SRFBP1: variants seen among roughly 807,000 people sequenced by gnomAD.
SRFBP1 encodes serum response factor binding protein 1.
Under a neutral mutation model 45.5 loss-of-function variants are expected in SRFBP1, and 47 were observed. That is an observed-to-expected ratio of 1.03 (90% CI 0.82 to 1.32). The LOEUF (loss-of-function observed/expected upper bound fraction) is 1.32, where lower values mean the gene tolerates loss of function less well. Ranked by LOEUF, SRFBP1 falls within the 40% of genes most tolerant of loss-of-function variation. SRFBP1 has a pLI of 0.00. For missense variants in SRFBP1, 621 were observed against 484.6 expected (o/e 1.28, Z -2.64); for synonymous variants, 203 against 166.3 (o/e 1.22, Z -1.70).
At chr5:122,010,736 C>CA (rs1350978155) in intron 4 of SRFBP1, among the ~76,000 whole-genome samples, 1 of 150,244 alleles carries the variant, frequency 6.7e-6, no homozygotes, top group Non-Finnish European at 1.5e-5. Flanking sequence ...TTAATTTTCA[C>CA]AAAAAAACTG....
intron 3 of SRFBP1, among the ~76,000 whole-genome samples, chr5:121,985,493 GT>G (rs1327171473): frequency 6.6e-6 from 1 of 151,520 alleles, no homozygotes; most frequent in South Asian, 2.1e-4. Context: ...TAACTGGTGT[GT>G]TTTTTTAATC....
intron 4 of SRFBP1, among the ~76,000 whole-genome samples, chr5:121,999,663 G>A (rs566470760): frequency 2.6e-5 from 4 of 152,032 alleles, no homozygotes; most frequent in South Asian, 2.1e-4. Context: ...TTCTTGGGGC[G>A]CTGATCCTTT....
intron 4 of SRFBP1, among the ~76,000 whole-genome samples, chr5:122,011,214 A>G (rs1753086538): frequency 6.6e-6 from 1 of 152,136 alleles, no homozygotes; most frequent in Non-Finnish European, 1.5e-5. Flanking sequence ...TGGGTTATTT[A>G]CATTCTGAGA....
chr5:122,074,406 T>C (rs780383379), intron 2 of SRFBP1, among the ~76,000 whole-genome samples: 73 of 152,218 alleles, frequency 4.8e-4, no homozygotes, highest in Non-Finnish European at 2.2e-4. Context: ...AGTATTTTGC[T>C]TTCTTATTGT....
At chr5:121,962,154 G>A (rs1751959302) in intron 1 of SRFBP1, 86 bp downstream of exon 1, 1 of 1,551,656 alleles carries the variant, frequency 6.4e-7, no homozygotes, top group Admixed American at 1.7e-5. Context: ...CGGGCATAGA[G>A]GGTGCGGTTG....
chr5:122,077,578 T>G, downstream of SRFBP1: 1 of 1,612,848 alleles, frequency 6.2e-7, no homozygotes, highest in Non-Finnish European at 8.5e-7. The surrounding 1 kb of genome is among the most constrained non-coding windows in gnomAD (Gnocchi z 4.9). Flanking sequence ...AGGCGCCAGC[T>G]TCGCGGGCTC....
At chr5:122,006,490 C>T (rs1301064786) in intron 4 of SRFBP1, among the ~76,000 whole-genome samples, 2 of 152,036 alleles carry the variant, frequency 1.3e-5, no homozygotes, top group African/African-American at 4.8e-5. Context: ...CATTCTGCCC[C>T]TTTGTTTTTC....
At chr5:122,026,456 G>A (rs187322519) in intron 7 of SRFBP1, among the ~76,000 whole-genome samples, 2 of 152,152 alleles carry the variant, frequency 1.3e-5, no homozygotes, top group South Asian at 2.1e-4. Context: ...AATAACAGAC[G>A]GGAGTGGAAT....
At chr5:122,047,563 G>A (rs1753887336) in intron 2 of SRFBP1, among the ~76,000 whole-genome samples, 1 of 152,132 alleles carries the variant, frequency 6.6e-6, no homozygotes, top group African/African-American at 2.4e-5. Flanking sequence ...CTTTAAAGTA[G>A]TTTTTTCCAA....
chr5:122,054,748 T>C (rs1399635162), intron 2 of SRFBP1, among the ~76,000 whole-genome samples: 2 of 152,252 alleles, frequency 1.3e-5, no homozygotes, highest in Admixed American at 6.5e-5. Flanking sequence ...TCTTAGATTT[T>C]ATTTTTATAT....
At chr5:121,987,192 G>A (rs185099817) in intron 3 of SRFBP1, among the ~76,000 whole-genome samples, 1 of 152,022 alleles carries the variant, frequency 6.6e-6, no homozygotes, top group Admixed American at 6.6e-5. Context: ...AGATAAAACT[G>A]ACAGTACCAA....
intron 6 of SRFBP1, among the ~76,000 whole-genome samples, chr5:122,021,937 AC>A (rs754009114): frequency 6.6e-6 from 1 of 151,108 alleles, no homozygotes; most frequent in Non-Finnish European, 1.5e-5. Flanking sequence ...CTTGTGATCC[AC>A]CCTGCTCAGC....
chr5:121,975,199 T>G, intron 2 of SRFBP1, 116 bp from the exon 3 acceptor site: 1 of 1,059,586 alleles, frequency 9.4e-7, no homozygotes, highest in Non-Finnish European at 1.4e-6. Context: ...AGTGGCGTGT[T>G]TGTTATTTAG....
chr5:122,019,099 A>G (rs542910236), intron 4 of SRFBP1, among the ~76,000 whole-genome samples, 161 bp from the exon 5 acceptor site: 1 of 152,160 alleles, frequency 6.6e-6, no homozygotes, highest in Admixed American at 6.5e-5. Context: ...CTTTGTCTTT[A>G]GCATGGATTG....
intron 2 of SRFBP1, among the ~76,000 whole-genome samples, chr5:122,073,610 G>T (rs1449871806): frequency 6.6e-6 from 1 of 152,160 alleles, no homozygotes; most frequent in Admixed American, 6.5e-5. Context: ...GGGTGCATAT[G>T]TTGTCAACCA....
intron 3 of SRFBP1, among the ~76,000 whole-genome samples, chr5:121,983,040 A>G (rs1180828375): frequency 6.6e-6 from 1 of 151,738 alleles, no homozygotes; most frequent in Non-Finnish European, 1.5e-5. Context: ...AAAGAGTTAA[A>G]TATTACAACA....
chr5:121,975,351 G>A lies in SRFBP1; in HGVS notation c.162G>A (p.Arg54=), dbSNP rs1481147151. ...TEDALLKNQR[R]AQRLLEEIHA... Reference sequence around the variant, plus strand: ...ATGCACTGTTAAAAAACCAAAGACGGGCGCAAAGATTGCTTGAAGAAATCC... The same window carrying A: ...ATGCACTGTTAAAAAACCAAAGACGAGCGCAAAGATTGCTTGAAGAAATCC... Residue 54 remains arginine (R), a synonymous_variant, in exon 3 of 8, where the codon CGG becomes CGA. Coordinates refer to ENST00000339397, the MANE Select transcript of SRFBP1 (RefSeq NM_152546.3). 1.2e-6 allele frequency: 2 copies of A among 1,613,192 alleles called. No homozygotes were observed. The highest frequency in any genetic ancestry group is 1.7e-5 in the Admixed American group (1 of 59,938).
At chr5:122,053,443 G>T (rs1754024723) in intron 2 of SRFBP1, among the ~76,000 whole-genome samples, 1 of 152,158 alleles carries the variant, frequency 6.6e-6, no homozygotes, top group Non-Finnish European at 1.5e-5. Flanking sequence ...TGTTTCCCAG[G>T]ACAACAGGAA....
At chr5:122,026,094 A>G (rs1167105527) in intron 7 of SRFBP1, among the ~76,000 whole-genome samples, 1 of 152,226 alleles carries the variant, frequency 6.6e-6, no homozygotes, top group Non-Finnish European at 1.5e-5. Context: ...CGTCTTAAAA[A>G]AAAGAAGTCT....
Sources: allele counts gnomAD v4.1 joint callset (sites outside exome capture counted in the v4.1 genomes callset), GRCh38; gene constraint gnomAD v4.1.1; non-coding constraint Gnocchi (gnomAD v3.1); transcripts MANE v1.5; gene names NCBI Gene and HGNC (gene_info 2026-07-23, HGNC 2026-07-21).